TMEM62: variants seen among roughly 807,000 people sequenced by gnomAD.
The protein encoded by TMEM62 is transmembrane protein 62.
In TMEM62, 41 loss-of-function variants were observed where a neutral mutation model predicts 70.4. The observed-to-expected ratio is 0.58, with a 90% CI of 0.45 to 0.76. The LOEUF is 0.76. Among genes scored for constraint, TMEM62 ranks in the 30% least tolerant of loss-of-function variants. TMEM62 has a pLI of 0.00. For missense variants in TMEM62, 688 were observed against 788.5 expected (o/e 0.87, Z 1.53); for synonymous variants, 268 against 291.0 (o/e 0.92, Z 0.80).
chr15:43,170,021 G>C (rs919540458), intron 11 of TMEM62, among the ~76,000 whole-genome samples: 8 of 152,230 alleles, frequency 5.3e-5, no homozygotes, highest in Non-Finnish European at 8.8e-5. Context: ...CTGAGGCTCT[G>C]TCTAAAACTT....
At chr15:43,173,752 A>G (rs2040448673) in intron 11 of TMEM62, among the ~76,000 whole-genome samples, 1 of 151,964 alleles carries the variant, frequency 6.6e-6, no homozygotes, top group South Asian at 2.1e-4. Context: ...GTCCTTTCTC[A>G]CAATTAATTC....
rs1200061623 is a variant in TMEM62 at position 43,178,691 on chromosome 15, T to G, written c.1466T>G (p.Leu489Trp). The change falls in exon 12 of 14, where the codon TTG becomes TGG. Residue 489 changes from leucine (L) to tryptophan (W), a missense_variant. Leu to Trp is a moderately conservative substitution (Grantham distance 61, BLOSUM62 -2). Coordinates refer to ENST00000260403, the MANE Select transcript of TMEM62 (RefSeq NM_024956.4). Reference protein sequence around the residue: ...INIFYYSVLLLTLYTVLGPWF... With the variant: ...INIFYYSVLLWTLYTVLGPWF... ...ATCTTCTACTATTCTGTGTTGTTGT[T>G]GACCCTGTATACAGTGCTGGGTAAG... 11 of 1,611,032 alleles carry G rather than the reference T, an allele frequency of 6.8e-6. No individual in the cohort carries two copies. The highest frequency in any genetic ancestry group is 9.3e-6 in the Non-Finnish European group (11 of 1,177,484).
intron 11 of TMEM62, among the ~76,000 whole-genome samples, chr15:43,174,144 C>G (rs892336779): frequency 2.0e-5 from 3 of 152,142 alleles, no homozygotes; most frequent in Non-Finnish European, 4.4e-5. Flanking sequence ...GGATTACAGG[C>G]TTGAGCCACT....
At chr15:43,173,189 C>T (rs957380867) in intron 11 of TMEM62, among the ~76,000 whole-genome samples, 2 of 152,170 alleles carry the variant, frequency 1.3e-5, no homozygotes, top group Non-Finnish European at 2.9e-5. Flanking sequence ...TAGTGAGACT[C>T]CATCTCAAAA....
chr15:43,168,036 C>T (rs1000807073), intron 10 of TMEM62, among the ~76,000 whole-genome samples: 3 of 151,918 alleles, frequency 2.0e-5, no homozygotes, highest in Non-Finnish European at 4.4e-5. Context: ...AGGCAGGAGA[C>T]TCAGGCCGGG....
intron 11 of TMEM62, among the ~76,000 whole-genome samples, chr15:43,176,088 A>G (rs184449998): frequency 6.6e-6 from 1 of 152,378 alleles, no homozygotes; most frequent in East Asian, 1.9e-4. Flanking sequence ...TTGCTAGCAC[A>G]GCGGTCTGAG....
intron 5 of TMEM62, among the ~76,000 whole-genome samples, chr15:43,148,231 T>C (rs1347696614): frequency 6.6e-6 from 1 of 152,202 alleles, no homozygotes; most frequent in Non-Finnish European, 1.5e-5. Context: ...GTCTGGCTTC[T>C]TTTGCTCAGT....
chr15:43,154,527 A>G lies in TMEM62; in HGVS notation c.1023-145A>G, dbSNP rs569675244. On this transcript the variant is annotated intron_variant, in intron 8 of 13. Coordinates refer to ENST00000260403, the MANE Select transcript of TMEM62 (RefSeq NM_024956.4). Reference sequence around the variant, plus strand: ...AAGCCACCATTCGGAAAGAAACCAGATCATATCAATAGTGGCTCCTGCTGT... The same window carrying G: ...AAGCCACCATTCGGAAAGAAACCAGGTCATATCAATAGTGGCTCCTGCTGT... 368 of 583,286 alleles carry G rather than the reference A, an allele frequency of 6.3e-4. 9 individuals are homozygous for G. The South Asian group carries it at 0.018, about 29-fold the overall frequency. 36.1% of individuals were successfully genotyped at this position (583,286 alleles called of 1,614,324 possible).
Position 43,184,758 on chromosome 15 carries a change from G to T in TMEM62, c.*172G>T. On this transcript the variant is annotated 3_prime_UTR_variant, in exon 14 of 14. Coordinates refer to ENST00000260403, the MANE Select transcript of TMEM62 (RefSeq NM_024956.4). ...GGATTACCCACTACTGATACCTGCA[G>T]AATGGACTGCAGAAAAGTCTCAAAA... The T allele has an allele frequency of 1.6e-6, 1 of 611,138 alleles. No homozygotes were observed. The allele number at this position is 611,138 out of a possible 1,614,324, so 37.9% of individuals were successfully genotyped here.
At chr15:43,178,474 T>C in intron 11 of TMEM62, 133 bp from the exon 12 acceptor site, 1 of 567,344 alleles carries the variant, frequency 1.8e-6, no homozygotes, top group Non-Finnish European at 3.1e-6. Flanking sequence ...AGTGGTGTCA[T>C]CTGTATAGTT....
In TMEM62 at chr15:43,133,711, T is replaced by G; in HGVS notation, c.-92T>G. On this transcript the variant is annotated 5_prime_UTR_variant, in exon 1 of 14. Coordinates refer to ENST00000260403, the MANE Select transcript of TMEM62 (RefSeq NM_024956.4). The stretch of plus-strand genomic sequence containing the variant: ...GCATCCAGCTCTGGCCCTGCGACAA[T>G]AGAGTCCGGAAGTGCAGGCAAAGCG... The G allele has an allele frequency of 1.1e-6, 1 of 902,350 alleles. No homozygotes were observed. Among genetic ancestry groups the G allele is most frequent in the Non-Finnish European group, 1.5e-6 (1 of 682,698 alleles). The allele number at this position is 902,350 out of a possible 1,614,324, so 55.9% of individuals were successfully genotyped here. A position where few individuals can be genotyped will look rare whatever the true frequency, so the allele number is the denominator to read the frequency against.
At chr15:43,181,717 G>T (rs1003828110) in intron 13 of TMEM62, among the ~76,000 whole-genome samples, 1 of 152,192 alleles carries the variant, frequency 6.6e-6, no homozygotes, top group Non-Finnish European at 1.5e-5. Flanking sequence ...GGCCAGGCTG[G>T]TCTCGAACTC....
intron 11 of TMEM62, among the ~76,000 whole-genome samples, chr15:43,173,671 C>A (rs953755884): frequency 6.6e-6 from 1 of 152,106 alleles, no homozygotes; most frequent in African/African-American, 2.4e-5. Flanking sequence ...TACCTGAAGA[C>A]CTCCTTTATC....
intron 10 of TMEM62, among the ~76,000 whole-genome samples, chr15:43,167,561 G>A (rs1457147689): frequency 6.6e-6 from 1 of 152,024 alleles, no homozygotes; most frequent in African/African-American, 2.4e-5. Context: ...CTTCCTAGAT[G>A]GGATGGCGGC....
At chr15:43,176,568 CA>C (rs1311956102) in intron 11 of TMEM62, among the ~76,000 whole-genome samples, 4 of 152,194 alleles carry the variant, frequency 2.6e-5, no homozygotes, top group South Asian at 2.1e-4. Flanking sequence ...GATACCCAGG[CA>C]AACAGGGTCT....
chr15:43,163,905 A>G (rs2039071551), intron 10 of TMEM62, among the ~76,000 whole-genome samples: 1 of 152,218 alleles, frequency 6.6e-6, no homozygotes, highest in Non-Finnish European at 1.5e-5. Flanking sequence ...TACTTTGAGA[A>G]ACAAGCACCT....
chr15:43,161,372 C>G (rs1393514469), intron 10 of TMEM62, among the ~76,000 whole-genome samples: 1 of 152,092 alleles, frequency 6.6e-6, no homozygotes, highest in Non-Finnish European at 1.5e-5. Flanking sequence ...GGAATTATAA[C>G]TAAGGATGCT....
At chr15:43,145,624 G>A (rs1008631789) in intron 4 of TMEM62, among the ~76,000 whole-genome samples, 5 of 152,024 alleles carry the variant, frequency 3.3e-5, no homozygotes, top group African/African-American at 9.7e-5. Context: ...ATATTTACTC[G>A]GGTTACATTA....
chr15:43,166,936 C>T (rs1383266333), intron 10 of TMEM62, among the ~76,000 whole-genome samples: 2 of 152,208 alleles, frequency 1.3e-5, no homozygotes, highest in Admixed American at 6.5e-5. Context: ...ATGTCTACCT[C>T]TTTCTACACA....
Sources: gnomAD v4.1 joint callset for allele counts (sites outside exome capture counted in the v4.1 genomes callset) on GRCh38, gnomAD v4.1.1 for gene constraint, MANE v1.5 for transcripts, NCBI Gene and HGNC (gene_info 2026-07-23, HGNC 2026-07-21) for gene names.